WFDC11: variants seen among roughly 807,000 people sequenced by gnomAD.
WFDC11 encodes the protein WAP four-disulfide core domain 11, also known as protein WFDC11.
WFDC11 carries 9 observed loss-of-function variants against 9.9 expected under a neutral mutation model. The observed-to-expected ratio is 0.91, with a 90% CI of 0.55 to 1.58. The LOEUF (loss-of-function observed/expected upper bound fraction) is 1.58. Ranked by LOEUF, WFDC11 falls within the 40% of genes most tolerant of loss-of-function variation. The pLI, the probability that WFDC11 is intolerant of heterozygous loss-of-function variation, is 0.00. For missense variants in WFDC11, 106 were observed against 101.7 expected, an observed-to-expected ratio of 1.04 and a Z score of -0.18; for synonymous variants, 32 against 33.3, an observed-to-expected ratio of 0.96 and a Z score of 0.13.
chr20:45,648,640 TA>T lies in WFDC11; in HGVS notation c.*78del. On this transcript the variant is annotated 3_prime_UTR_variant, in exon 5 of 5. Transcript: ENST00000324384. ...AAAAATAGACTGGTGTTCCTAAAAGTAGCCACAGGGTACTACTATGAGACCT... is the reference window on the plus strand; with the variant it reads ...AAAAATAGACTGGTGTTCCTAAAAGTGCCACAGGGTACTACTATGAGACCT... 1 of 1,486,660 alleles carries T rather than the reference TA, an allele frequency of 6.7e-7. No homozygotes were observed. The highest frequency in any genetic ancestry group is 9.3e-7 in the Non-Finnish European group (1 of 1,072,968). The allele number at this position is 1,486,660 out of a possible 1,614,324, so 92.1% of individuals were successfully genotyped here.
chr20:45,651,742 A>G (rs1225842103), intron 2 of WFDC11, among the ~76,000 whole-genome samples: 2 of 148,756 alleles, frequency 1.3e-5, no homozygotes, highest in African/African-American at 2.6e-5. Context: ...CGACCCTAAT[A>G]CTGCGCTTTT....
intron 2 of WFDC11, among the ~76,000 whole-genome samples, chr20:45,656,299 G>A (rs1304534785): frequency 2.6e-5 from 4 of 152,116 alleles, no homozygotes; most frequent in African/African-American, 9.7e-5. Flanking sequence ...ACAACCATCT[G>A]ATCTTTGACA....
At chr20:45,665,032 C>T (rs145107842) in intron 2 of WFDC11, among the ~76,000 whole-genome samples, 2,131 of 152,332 alleles carry the variant, frequency 0.014, 90 homozygotes, top group Admixed American at 0.099. Context: ...TTCCATTCTT[C>T]TCATCACTTT....
In WFDC11 at chr20:45,669,044, T is replaced by A. The variant is rs945895569; in HGVS notation, c.-134+1134A>T. Among the ~76,000 whole-genome samples, 9 of 152,140 alleles carry A rather than the reference T, an allele frequency of 5.9e-5. No homozygotes were observed. In the East Asian group the frequency reaches 1.2e-3, roughly 19 times the overall value. On this transcript the variant is annotated intron_variant, in intron 1 of 4. Transcript: ENST00000324384. ...TGAAAATGTCAGACCATTTCCTTCATCTTGACCCTGATATAGACATTCAGA... is the reference window on the plus strand; with the variant it reads ...TGAAAATGTCAGACCATTTCCTTCAACTTGACCCTGATATAGACATTCAGA...
chr20:45,663,404 G>GT (rs1362633824), intron 2 of WFDC11, among the ~76,000 whole-genome samples: 1 of 152,036 alleles, frequency 6.6e-6, no homozygotes, highest in South Asian at 2.1e-4. Flanking sequence ...TTCTTGAAGT[G>GT]TTTTTTTGTG....
intron 2 of WFDC11, among the ~76,000 whole-genome samples, chr20:45,653,392 A>G (rs1200245741): frequency 6.6e-6 from 1 of 152,198 alleles, no homozygotes; most frequent in African/African-American, 2.4e-5. Flanking sequence ...AGATTTTATA[A>G]CCACCAGGCC....
intron 1 of WFDC11, among the ~76,000 whole-genome samples, chr20:45,667,567 C>T (rs1387928833): frequency 6.6e-6 from 1 of 152,204 alleles, no homozygotes; most frequent in Non-Finnish European, 1.5e-5. Context: ...ACCACCTTAT[C>T]AGCAATCTCT....
intron 1 of WFDC11, among the ~76,000 whole-genome samples, chr20:45,669,338 T>A (rs1459470407): frequency 6.6e-6 from 1 of 152,194 alleles, no homozygotes; most frequent in Non-Finnish European, 1.5e-5. Flanking sequence ...TATTACAGAT[T>A]CAGTTCCAGG....
intron 2 of WFDC11, among the ~76,000 whole-genome samples, chr20:45,656,825 T>G (rs1425130887): frequency 6.6e-6 from 1 of 152,164 alleles, no homozygotes; most frequent in Non-Finnish European, 1.5e-5. Context: ...AAAAGACACA[T>G]GAAAAGATGC....
At chr20:45,664,031 G>T (rs534168685) in intron 2 of WFDC11, among the ~76,000 whole-genome samples, 1 of 152,260 alleles carries the variant, frequency 6.6e-6, no homozygotes, top group African/African-American at 2.4e-5. Flanking sequence ...GGGTGTTAAA[G>T]TCTCCCATTA....
chr20:45,666,818 A>G (rs556352558), intron 2 of WFDC11, among the ~76,000 whole-genome samples: 3 of 152,246 alleles, frequency 2.0e-5, no homozygotes, highest in Non-Finnish European at 2.9e-5. Context: ...GATTAGATAT[A>G]AGTTATGTAT....
intron 2 of WFDC11, among the ~76,000 whole-genome samples, chr20:45,659,763 G>T (rs1983015175): frequency 1.3e-5 from 2 of 152,162 alleles, no homozygotes; most frequent in Non-Finnish European, 2.9e-5. Context: ...ATTGCTTTTG[G>T]TGTTTTAGTC....
intron 2 of WFDC11, among the ~76,000 whole-genome samples, chr20:45,666,381 G>C (rs1983188603): frequency 6.6e-6 from 1 of 152,206 alleles, no homozygotes; most frequent in Non-Finnish European, 1.5e-5. Flanking sequence ...GCCCTTCCCA[G>C]GTGAGGCGAC....
chr20:45,648,775 A>G, intron 4 of WFDC11, 36 bp from the exon 5 acceptor site: 2 of 1,608,666 alleles, frequency 1.2e-6, no homozygotes, highest in Non-Finnish European at 1.7e-6. Flanking sequence ...TAGAGGCTAG[A>G]GAACTCTGAG....
chr20:45,650,106 G>A (rs552085282), intron 3 of WFDC11, among the ~76,000 whole-genome samples: 43 of 152,048 alleles, frequency 2.8e-4, no homozygotes, highest in Non-Finnish European at 5.0e-4. Context: ...CTAGGGCACA[G>A]GGATACCAGT....
At chr20:45,652,214 G>T (rs1295837056) in intron 2 of WFDC11, among the ~76,000 whole-genome samples, 2 of 152,176 alleles carry the variant, frequency 1.3e-5, no homozygotes, top group East Asian at 3.9e-4. Context: ...TCACACAGCT[G>T]GGTACTCCTC....
intron 4 of WFDC11, among the ~76,000 whole-genome samples, 169 bp from the exon 5 acceptor site, chr20:45,648,908 G>T (rs1360038130): frequency 6.6e-6 from 1 of 152,190 alleles, no homozygotes; most frequent in African/African-American, 2.4e-5. Context: ...GACAAAAAAA[G>T]GTGGAGACTT....
intron 3 of WFDC11, among the ~76,000 whole-genome samples, chr20:45,650,117 A>G (rs1393085798): frequency 6.6e-6 from 1 of 152,118 alleles, no homozygotes; most frequent in Non-Finnish European, 1.5e-5. Context: ...GGATACCAGT[A>G]TAGAGCTACA....
intron 2 of WFDC11, among the ~76,000 whole-genome samples, chr20:45,656,166 T>C (rs4569535): frequency 0.26 from 38,886 of 151,738 alleles, 5,809 homozygotes; most frequent in East Asian, 0.54. Context: ...AGGCATCACG[T>C]TACCTGACTT....
Sources: gnomAD v4.1 joint callset for allele counts (sites outside exome capture counted in the v4.1 genomes callset) on GRCh38, gnomAD v4.1.1 for gene constraint, MANE v1.5 for transcripts, NCBI Gene and HGNC (gene_info 2026-07-23, HGNC 2026-07-21) for gene names.